The following PFKL variants were observed in gnomAD, a reference collection of about 807,000 sequenced individuals.
The protein encoded by PFKL is phosphofructokinase, liver type.
A neutral mutation model predicts 92.1 loss-of-function variants in PFKL; 74 were observed. The observed-to-expected ratio is 0.80, with a 90% confidence interval of 0.67 to 0.97. The LOEUF is 0.97. Ranked by LOEUF, PFKL falls within the 50% of genes least tolerant of loss-of-function variation. The pLI is 0.00. For missense variants in PFKL, 1,028 were observed against 1,116.6 expected (o/e 0.92, Z 1.13); for synonymous variants, 494 against 456.4 (o/e 1.08, Z -1.05).
chr21:44,315,536 G>C (rs2047179320), intron 7 of PFKL: 1 of 152,936 alleles, frequency 6.5e-6, no homozygotes, highest in Non-Finnish European at 1.5e-5. Context: ...GAGGCATTGT[G>C]GCCCGTGGTG....
intron 1 of PFKL, among the ~76,000 whole-genome samples, chr21:44,302,805 C>T (rs2040813708): frequency 6.6e-6 from 1 of 152,222 alleles, no homozygotes; most frequent in Non-Finnish European, 1.5e-5. Flanking sequence ...TTCCTTCCAG[C>T]CAGCCCACAA....
rs2047445649 is a variant in PFKL at position 44,324,554 on chromosome 21, A to ATGGGGGGTTAC, written c.1717_1727dup (p.Cys576TrpfsTer11). 6.2e-7 allele frequency: 1 copy of ATGGGGGGTTAC among 1,613,376 alleles called. No homozygotes were observed. The highest frequency in any genetic ancestry group is 1.3e-5 in the African/African-American group (1 of 74,998). On this transcript the variant is annotated frameshift_variant, in exon 17 of 22. Transcript: ENST00000349048. LOFTEE classifies it high-confidence loss of function. ...GCGCCGTGTGTTCATCGTGGAGACC[A>ATGGGGGGTTAC]TGGGGGGTTACTGTGGCTACCTGGC...
intron 1 of PFKL, chr21:44,305,122 G>A (rs1164848690): frequency 2.5e-5 from 17 of 681,286 alleles, no homozygotes; most frequent in Non-Finnish European, 3.4e-5. Context: ...TCCTGGCTCT[G>A]CTGCCACCTG....
chr21:44,315,218 G>A (rs1264944454), intron 7 of PFKL: 1 of 152,344 alleles, frequency 6.6e-6, no homozygotes, highest in East Asian at 1.9e-4. Context: ...GCTTATGTCT[G>A]TGACTCACAT....
intron 12 of PFKL, chr21:44,320,573 A>G (rs188884927): frequency 2.0e-4 from 31 of 157,050 alleles, no homozygotes; most frequent in African/African-American, 7.2e-4. Flanking sequence ...TAAAAATACA[A>G]AAATTAGCTG....
chr21:44,317,917 C>T (rs915036215), intron 9 of PFKL, among the ~76,000 whole-genome samples: 1 of 152,258 alleles, frequency 6.6e-6, no homozygotes, highest in Non-Finnish European at 1.5e-5. Context: ...TGGGCTTCTA[C>T]AGGGCTGGCC....
intron 18 of PFKL, 31 bp from the exon 19 acceptor site, chr21:44,325,122 C>G: frequency 6.7e-7 from 1 of 1,486,494 alleles, no homozygotes; most frequent in Non-Finnish European, 9.4e-7. Context: ...GAACTCGTTC[C>G]CGCCGACTCA....
intron 1 of PFKL, chr21:44,304,315 G>A: frequency 1.6e-6 from 2 of 1,288,950 alleles, no homozygotes; most frequent in East Asian, 5.5e-5. Flanking sequence ...TGAGATGGCT[G>A]TGACCCTGGG....
Position 44,326,757 on chromosome 21 carries a change from CATGCTGAAG to C in PFKL, c.2245_2253del (p.Lys749_Leu751del). 1.2e-6 allele frequency: 2 copies of C among 1,611,518 alleles called. No individual in the cohort carries two copies. The highest frequency in any genetic ancestry group is 1.7e-6 in the Non-Finnish European group (2 of 1,179,426). On this transcript the variant is annotated inframe_deletion, in exon 22 of 22. Transcript: ENST00000349048. ...AGCAGTGGTGGCTGAGCCTGCGGCT[CATGCTGAAG>C]ATGCTGGCACAATACCGCATCAGTA... is the stretch of plus-strand genomic sequence containing the variant.
At position 44,323,631 on chromosome 21, in the gene PFKL, G is replaced by A. The variant is rs1294863793; in HGVS notation, c.1498-135G>A. ...GGCCCAGCCCCAGGGGATTGAGCAG[G>A]TGGGTCCTGGCGTCCAGCACGGGGC... On this transcript the variant is annotated intron_variant, in intron 15 of 21. Transcript: ENST00000349048. 6 of 877,136 alleles carry A rather than the reference G, an allele frequency of 6.8e-6. No homozygotes were observed. The East Asian group carries it at 1.3e-4, about 19-fold the overall frequency. 54.3% of individuals were successfully genotyped at this position (877,136 alleles called of 1,614,324 possible).
chr21:44,306,470 C>G (rs1240493235), intron 1 of PFKL, among the ~76,000 whole-genome samples: 1 of 151,998 alleles, frequency 6.6e-6, no homozygotes, highest in East Asian at 1.9e-4. Context: ...TTCCCTACCC[C>G]CTGCCCTCTG....
chr21:44,326,685 C>T (rs752405202), intron 21 of PFKL, 30 bp from the exon 22 acceptor site: 4 of 1,607,438 alleles, frequency 2.5e-6, no homozygotes, highest in East Asian at 4.5e-5. Flanking sequence ...CCCTGACTCC[C>T]CATCATCCTC....
At chr21:44,313,744 G>A in intron 6 of PFKL, 62 bp downstream of exon 6, 2 of 1,519,442 alleles carry the variant, frequency 1.3e-6, no homozygotes, top group Non-Finnish European at 1.8e-6. Flanking sequence ...GCAGTGACAG[G>A]TGTGGCATAT....
chr21:44,326,023 G>A lies in PFKL; in HGVS notation c.2052G>A (p.Leu684=), dbSNP rs2047497190. The A allele has an allele frequency of 6.2e-7, 1 of 1,613,804 alleles. No individual in the cohort carries two copies. The highest frequency in any genetic ancestry group is 8.5e-7 in the Non-Finnish European group (1 of 1,179,990). The part of the protein sequence containing the change: ...YGTKLGVKAM[L]WLSEKLREVY... ...CCAAGCTGGGGGTGAAGGCCATGCT[G>A]TGGTTGTCGGAGAAGCTGCGCGAGG... Residue 684 remains leucine, a synonymous_variant, in exon 20 of 22, where the codon CTG becomes CTA. Transcript: ENST00000349048.
chr21:44,315,541 G>A (rs1436996530), intron 7 of PFKL: 1 of 152,884 alleles, frequency 6.5e-6, no homozygotes, highest in Non-Finnish European at 1.5e-5. Flanking sequence ...ATTGTGGCCC[G>A]TGGTGGGCAA....
At chr21:44,300,267 C>A in intron 1 of PFKL, 77 bp downstream of exon 1, 1 of 692,958 alleles carries the variant, frequency 1.4e-6, no homozygotes, top group South Asian at 6.3e-5. Flanking sequence ...GAGCGCCCGC[C>A]GAGCCCCGGG....
chr21:44,300,795 G>C (rs1355973033), intron 1 of PFKL, among the ~76,000 whole-genome samples: 2 of 152,256 alleles, frequency 1.3e-5, no homozygotes, highest in Non-Finnish European at 2.9e-5. Context: ...GGCCTCAGGT[G>C]GTGGGGACTG....
chr21:44,301,352 T>C (rs7283094), intron 1 of PFKL, among the ~76,000 whole-genome samples: 52,257 of 152,092 alleles, frequency 0.34, 10,070 homozygotes, highest in African/African-American at 0.52. Flanking sequence ...TGTTGCCGGC[T>C]ACTGGCAGTG....
At chr21:44,325,896 C>T (rs1220072198) in intron 19 of PFKL, 65 bp from the exon 20 acceptor site, 1 of 1,224,884 alleles carries the variant, frequency 8.2e-7, no homozygotes, top group Admixed American at 1.9e-5. Context: ...CCTGTCTGCA[C>T]TGGCGTTGGC....
Sources: gnomAD v4.1 joint callset for allele counts (sites outside exome capture counted in the v4.1 genomes callset) on GRCh38, gnomAD v4.1.1 for gene constraint, MANE v1.5 for transcripts, NCBI Gene and HGNC (gene_info 2026-07-23, HGNC 2026-07-21) for gene names.